The following PRSS23 variants were observed in gnomAD, a reference collection of about 807,000 sequenced individuals.
PRSS23 encodes the protein protease, serine 23.
A neutral mutation model predicts 34.7 loss-of-function variants in PRSS23; 25 were observed. The ratio of observed to expected loss-of-function variants is 0.72; its 90% CI spans 0.53 to 1.01. The LOEUF (loss-of-function observed/expected upper bound fraction) is 1.01, where lower values mean the gene tolerates loss of function less well. PRSS23 is among the 50% of genes least tolerant of loss of function. The pLI is 0.00. For synonymous variants in PRSS23, 176 were observed against 186.6 expected, an observed-to-expected ratio of 0.94 and a Z score of 0.46; for missense variants, 445 against 475.6, an observed-to-expected ratio of 0.94 and a Z score of 0.60.
chr11:86,817,084 C>CTTG, intron 1 of PRSS23, among the ~76,000 whole-genome samples: 1 of 152,212 alleles, frequency 6.6e-6, no homozygotes. Context: ...TATATTTTTT[C>CTTG]AAATGGCCTA....
intron 1 of PRSS23, chr11:86,821,662 T>C: frequency 6.4e-7 from 1 of 1,555,208 alleles, no homozygotes; most frequent in Non-Finnish European, 8.8e-7. Context: ...AAGAATTTTG[T>C]CAATATTGGA....
At chr11:86,834,464 C>T (rs747064028) in intron 2 of PRSS23, among the ~76,000 whole-genome samples, 2 of 151,964 alleles carry the variant, frequency 1.3e-5, no homozygotes. Flanking sequence ...TCCTGCCTTG[C>T]GGTTCTTTTG....
At chr11:86,843,923 C>A (rs1948467141) in intron 2 of PRSS23, among the ~76,000 whole-genome samples, 1 of 152,128 alleles carries the variant, frequency 6.6e-6, no homozygotes, top group Admixed American at 6.6e-5. Flanking sequence ...GGTATATACC[C>A]AAAGGATTAA....
rs1948142290 is a variant in PRSS23 at position 86,808,844 on chromosome 11, T to C, written c.*49T>C. The C allele has an allele frequency of 2.0e-6, 3 of 1,503,484 alleles. No homozygotes were observed. Among genetic ancestry groups the C allele is most frequent in the Non-Finnish European group, 2.7e-6 (3 of 1,109,432 alleles). 93.1% of individuals were successfully genotyped at this position (1,503,484 alleles called of 1,614,324 possible). On this transcript the variant is annotated 3_prime_UTR_variant, in exon 2 of 2. Coordinates refer to ENST00000280258, the MANE Select transcript of PRSS23 (RefSeq NM_007173.6). Reference sequence around the variant, plus strand: ...ATTAAGGGTCTTCATGTTCTTATTTTAGGAGAGGCCAAATTGTTTTTTGTC... The same window carrying C: ...ATTAAGGGTCTTCATGTTCTTATTTCAGGAGAGGCCAAATTGTTTTTTGTC...
downstream of PRSS23, among the ~76,000 whole-genome samples, chr11:86,813,034 G>A (rs1371395589): frequency 6.6e-6 from 1 of 152,096 alleles, no homozygotes; most frequent in African/African-American, 2.4e-5. Context: ...TTGAAGCTGA[G>A]GAAGAGAGAA....
In PRSS23 at chr11:86,947,124, A is replaced by G. The variant is rs749571309; in HGVS notation, c.207-4092A>G. 48 of 155,432 alleles carry G rather than the reference A, an allele frequency of 3.1e-4. No individual in the cohort carries two copies. The highest frequency in any genetic ancestry group is 5.4e-4 in the Non-Finnish European group (38 of 70,234). 9.6% of individuals were successfully genotyped at this position (155,432 alleles called of 1,614,324 possible). On this transcript the variant is annotated intron_variant, in intron 2 of 2. Coordinates refer to the PRSS23 transcript ENST00000533902. ...AGGCTGTGGCAGGAGAATCACTTGA[A>G]CCCAGGAGGCAGAGGTTGCAGTGAG...
At chr11:86,910,941 A>G (rs867915894) in intron 2 of PRSS23, 26 of 152,316 alleles carry the variant, frequency 1.7e-4, no homozygotes, top group East Asian at 1.3e-3. Flanking sequence ...TAATTAATTC[A>G]CAGTGAATTC....
Position 86,810,502 on chromosome 11 carries a change from A to G in PRSS23, c.*1707A>G, listed in dbSNP as rs1304942402. 2.4e-5 allele frequency: 4 copies of G among 167,050 alleles called. No individual in the cohort carries two copies. Among genetic ancestry groups the G allele is most frequent in the Admixed American group, 6.5e-5 (1 of 15,284 alleles). 10.3% of individuals were successfully genotyped at this position (167,050 alleles called of 1,614,324 possible). A position where few individuals can be genotyped will look rare whatever the true frequency, so the allele number is the denominator to read the frequency against. On this transcript the variant is annotated 3_prime_UTR_variant, in exon 2 of 2. Transcript: ENST00000280258. Reference sequence around the variant, plus strand: ...CAGGAAAATTCTGAGTTCCAGCACAATTTTCTTTGGAATCTAACAGGAATC... The same window carrying G: ...CAGGAAAATTCTGAGTTCCAGCACAGTTTTCTTTGGAATCTAACAGGAATC...
intron 2 of PRSS23, among the ~76,000 whole-genome samples, chr11:86,881,769 C>A (rs899041204): frequency 6.6e-6 from 1 of 152,096 alleles, no homozygotes; most frequent in Admixed American, 6.6e-5. Flanking sequence ...ATTCAATCTC[C>A]TTATTTGTTA....
chr11:86,820,343 A>T (rs950368012), intron 1 of PRSS23, among the ~76,000 whole-genome samples: 1 of 152,240 alleles, frequency 6.6e-6, no homozygotes, highest in Non-Finnish European at 1.5e-5. Context: ...TAATACAAAT[A>T]TAAATAAGTA....
intron 2 of PRSS23, among the ~76,000 whole-genome samples, chr11:86,915,910 C>G (rs1182002699): frequency 6.6e-6 from 1 of 151,826 alleles, no homozygotes; most frequent in African/African-American, 2.4e-5. Flanking sequence ...AAAAAGTTAG[C>G]CAGGCATGGT....
chr11:86,946,642 T>C (rs1178468547), intron 2 of PRSS23: 1 of 152,568 alleles, frequency 6.6e-6, no homozygotes, highest in African/African-American at 2.4e-5. Context: ...TGAAATCTAT[T>C]ATGTGGGGCT....
intron 2 of PRSS23, among the ~76,000 whole-genome samples, chr11:86,928,983 T>C (rs1949104092): frequency 6.6e-6 from 1 of 151,926 alleles, no homozygotes; most frequent in African/African-American, 2.4e-5. Flanking sequence ...GATGGGAATA[T>C]GAAGTGGTAC....
chr11:86,827,954 G>A (rs1212129052), intron 2 of PRSS23, among the ~76,000 whole-genome samples: 7 of 151,432 alleles, frequency 4.6e-5, no homozygotes, highest in South Asian at 2.1e-4. Context: ...GTGGTGCTGA[G>A]AAAAATGTAT....
chr11:86,845,325 C>A (rs1948478689), intron 2 of PRSS23, among the ~76,000 whole-genome samples: 1 of 152,190 alleles, frequency 6.6e-6, no homozygotes, highest in African/African-American at 2.4e-5. Context: ...GTCTGGAATG[C>A]AGGGAAACCA....
intron 2 of PRSS23, among the ~76,000 whole-genome samples, chr11:86,842,979 A>G (rs1211949026): frequency 6.6e-6 from 1 of 152,218 alleles, no homozygotes; most frequent in East Asian, 1.9e-4. Flanking sequence ...CCTAAGCAAA[A>G]AGAACAAAGA....
chr11:86,940,852 T>A (rs910101262), intron 2 of PRSS23: 1 of 152,216 alleles, frequency 6.6e-6, no homozygotes, highest in Non-Finnish European at 1.5e-5. Context: ...TATAGAGCAA[T>A]CTCTTTGTAT....
intron 2 of PRSS23, chr11:86,911,265 C>A (rs983443497): frequency 2.6e-5 from 4 of 152,012 alleles, no homozygotes; most frequent in Non-Finnish European, 5.9e-5. Flanking sequence ...TCCCTTTCCA[C>A]CACATCACTT....
intron 2 of PRSS23, among the ~76,000 whole-genome samples, chr11:86,894,437 G>C (rs142171642): frequency 2.4e-3 from 366 of 152,180 alleles, no homozygotes; most frequent in Non-Finnish European, 4.1e-3. Flanking sequence ...AGCTACTCAG[G>C]GCACCCAAGA....
Sources: allele counts gnomAD v4.1 joint callset (sites outside exome capture counted in the v4.1 genomes callset), GRCh38; gene constraint gnomAD v4.1.1; transcripts MANE v1.5; gene names NCBI Gene and HGNC (gene_info 2026-07-23, HGNC 2026-07-21).